RHOBTB3: variants seen among roughly 807,000 people sequenced by gnomAD.
RHOBTB3 encodes the protein Rho related BTB domain containing 3, also known as rho-related BTB domain-containing protein 3.
In RHOBTB3, 47 loss-of-function variants were observed where a neutral mutation model predicts 67.2. The ratio of observed to expected loss-of-function variants is 0.70; its 90% CI spans 0.55 to 0.89. The LOEUF (loss-of-function observed/expected upper bound fraction) is 0.89, where lower values mean the gene tolerates loss of function less well. Ranked by LOEUF, RHOBTB3 falls within the 40% of genes least tolerant of loss-of-function variation. The pLI, the probability that RHOBTB3 is intolerant of heterozygous loss-of-function variation, is 0.00. For missense variants in RHOBTB3, 631 were observed against 750.0 expected (o/e 0.84, Z 1.85); for synonymous variants, 273 against 274.2 (o/e 1.00, Z 0.04).
rs553902898 is a variant in RHOBTB3 at position 95,758,236 on chromosome 5, G to GA, written c.1048+2482dup. ...ATTGCAAAATTAATACAGGCAGATG[G>GA]AAAAAAAGAGAAAGAAAAGAAAAAA... On this transcript the variant is annotated intron_variant, in intron 6 of 11. Coordinates refer to ENST00000379982, the MANE Select transcript of RHOBTB3 (RefSeq NM_014899.4). 1.2e-4 allele frequency among the ~76,000 whole-genome samples: 19 copies of GA among 152,126 alleles called. No homozygotes were observed. The East Asian group carries it at 2.7e-3, about 22-fold the overall frequency.
In RHOBTB3 at chr5:95,731,861, C is replaced by G; in HGVS notation, c.5C>G (p.Ser2Cys). 1.2e-6 allele frequency: 2 copies of G among 1,612,496 alleles called. No homozygotes were observed. The highest frequency in any genetic ancestry group is 2.2e-5 in the East Asian group (1 of 44,842). The change falls in exon 2 of 12, where the codon TCC (serine) becomes TGC (cysteine). Residue 2 changes from serine (S) to cysteine (C), a missense_variant and splice_region_variant. Transcript: ENST00000379982. Reference protein sequence around the residue: MSIHIVALGNEG... With the variant: MCIHIVALGNEG... The stretch of plus-strand genomic sequence containing the variant: ...CCTCGCCCCCTCTGTCCGTGCAGGT[C>G]CATCCACATCGTGGCGCTGGGGAAC...
rs368977972 is a variant in RHOBTB3, at chr5:95,793,148, C to T, written c.1810C>T (p.Arg604Trp). 4.5e-5 allele frequency: 73 copies of T among 1,611,030 alleles called. No individual in the cohort carries two copies. Among genetic ancestry groups the T allele is most frequent in the Admixed American group, 5.0e-5 (3 of 59,604 alleles). The change falls in exon 12 of 12, where the codon CGG (arginine) becomes TGG (tryptophan). Residue 604 changes from arginine (R) to tryptophan (W), a missense_variant. Arg to Trp is a moderately radical substitution (Grantham distance 101). Coordinates refer to ENST00000379982, the MANE Select transcript of RHOBTB3 (RefSeq NM_014899.4). ...GGAATACAGGAAGTATATTCACTCCCGGAAATGTCGTTGCTTAGTAATGTA... is the reference window on the plus strand; with the variant it reads ...GGAATACAGGAAGTATATTCACTCCTGGAAATGTCGTTGCTTAGTAATGTA... ...LAEYRKYIHS[R>W]KCRCLVM is the part of the protein sequence containing the mutation.
intron 11 of RHOBTB3, among the ~76,000 whole-genome samples, chr5:95,791,835 C>A (rs564436158): frequency 1.3e-5 from 2 of 152,032 alleles, no homozygotes; most frequent in Non-Finnish European, 2.9e-5. Context: ...CATGAGCCAT[C>A]GTGCCTGGCC....
chr5:95,768,187 A>G, intron 8 of RHOBTB3, 21 bp downstream of exon 8: 2 of 1,588,794 alleles, frequency 1.3e-6, no homozygotes, highest in Non-Finnish European at 8.5e-7. Context: ...ACTTTTACAA[A>G]GTTTATGATT....
upstream of RHOBTB3, among the ~76,000 whole-genome samples, chr5:95,729,601 C>T (rs1755161747): frequency 6.6e-6 from 1 of 152,158 alleles, no homozygotes; most frequent in Non-Finnish European, 1.5e-5. Context: ...ACTATATATG[C>T]ACCTCATGCA....
chr5:95,726,449 G>A (rs989256038), upstream of RHOBTB3, among the ~76,000 whole-genome samples: 5 of 152,168 alleles, frequency 3.3e-5, no homozygotes, highest in African/African-American at 1.2e-4. Context: ...TTGGTGTTTA[G>A]TTTTTAAGTT....
chr5:95,731,292 G>T, upstream of RHOBTB3: 1 of 1,030,070 alleles, frequency 9.7e-7, no homozygotes, highest in Non-Finnish European at 1.2e-6. Context: ...CGATCTCCCC[G>T]ACCCCCCTTC....
At chr5:95,762,810 G>C (rs1745431701) in intron 6 of RHOBTB3, among the ~76,000 whole-genome samples, 1 of 152,208 alleles carries the variant, frequency 6.6e-6, no homozygotes, top group African/African-American at 2.4e-5. Context: ...AGTCCTTGGG[G>C]AAAAGGTCAG....
In RHOBTB3 at chr5:95,763,530, G is replaced by A; in HGVS notation, c.1071G>A (p.Leu357=). ...CAGGTGCTTTTCAGTGGGAAGAATT[G>A]GAAGAAGATATCAGGAAGAAGTTGA... ...IYSGAFQWEE[L]EEDIRKKLKD... is the part of the protein sequence containing the mutation. Residue 357 remains leucine (L), a synonymous_variant, in exon 7 of 12, where the codon TTG becomes TTA. Coordinates refer to ENST00000379982, the MANE Select transcript of RHOBTB3 (RefSeq NM_014899.4). The A allele has an allele frequency of 6.2e-7, 1 of 1,611,192 alleles. No individual in the cohort carries two copies. The highest frequency in any genetic ancestry group is 1.1e-5 in the South Asian group (1 of 90,770).
chr5:95,728,606 TA>T (rs1238424442), upstream of RHOBTB3, among the ~76,000 whole-genome samples: 1 of 152,230 alleles, frequency 6.6e-6, no homozygotes, highest in Non-Finnish European at 1.5e-5. Flanking sequence ...GTCTAGGAAC[TA>T]GAATGTTTTC....
At chr5:95,721,714 A>C (rs1253092484) in intron 1 of RHOBTB3, among the ~76,000 whole-genome samples, 3 of 151,326 alleles carry the variant, frequency 2.0e-5, no homozygotes, top group South Asian at 2.1e-4. Context: ...AAAAAGGAAC[A>C]TGAAGATCAG....
chr5:95,767,728 T>TG lies in RHOBTB3; in HGVS notation c.1162-316dup, dbSNP rs1745590342. 11 of 673,310 alleles carry TG rather than the reference T, an allele frequency of 1.6e-5. No individual in the cohort carries two copies. In the East Asian group the frequency reaches 3.0e-4, roughly 18 times the overall value. 41.7% of individuals were successfully genotyped at this position (673,310 alleles called of 1,614,324 possible). ...ATTTTAGTAGGCATTTGTATGGAGTTGGACTACTGTTGTCTGTTTCTCAAC... is the reference window on the plus strand; with the variant it reads ...ATTTTAGTAGGCATTTGTATGGAGTTGGGACTACTGTTGTCTGTTTCTCAAC... On this transcript the variant is annotated intron_variant, in intron 7 of 11. Coordinates refer to ENST00000379982, the MANE Select transcript of RHOBTB3 (RefSeq NM_014899.4).
chr5:95,782,660 A>C (rs1746087093), intron 9 of RHOBTB3: 1 of 152,194 alleles, frequency 6.6e-6, no homozygotes, highest in Non-Finnish European at 1.5e-5. Flanking sequence ...TACAAAAAAA[A>C]TTAGCCGGGC....
chr5:95,780,338 AAG>A lies in RHOBTB3; in HGVS notation c.1372_1373del (p.Ser458CysfsTer53). On this transcript the variant is annotated frameshift_variant, in exon 9 of 12. Coordinates refer to ENST00000379982, the MANE Select transcript of RHOBTB3 (RefSeq NM_014899.4). LOFTEE classifies it high-confidence loss of function. Reference sequence around the variant, plus strand: ...GTTTAATGGTAATTACATGGAAGCAAAGAGTGTCCTGATTCCCGTTTATGGTG... The same window carrying A: ...GTTTAATGGTAATTACATGGAAGCAAAGTGTCCTGATTCCCGTTTATGGTG... ...AMFNGNYMEA[K>X]SVLIPVYGVS... The A allele has an allele frequency of 6.2e-7, 1 of 1,613,946 alleles. No homozygotes were observed. The highest frequency in any genetic ancestry group is 1.7e-5 in the Admixed American group (1 of 60,028).
At position 95,783,014 on chromosome 5, in the gene RHOBTB3, C is replaced by T. The variant is rs868176555; in HGVS notation, c.1457-783C>T. Among the ~76,000 whole-genome samples, 6 of 151,016 alleles carry T rather than the reference C, an allele frequency of 4.0e-5. No homozygotes were observed. The South Asian group carries it at 1.3e-3, about 31-fold the overall frequency. On this transcript the variant is annotated intron_variant, in intron 9 of 11. Coordinates refer to ENST00000379982, the MANE Select transcript of RHOBTB3 (RefSeq NM_014899.4). ...ATTTTTAAGGGCAATTATAGAATCA[C>T]CTTTTCTGAAGAATTAAAAAAAAAT...
intron 2 of RHOBTB3, among the ~76,000 whole-genome samples, chr5:95,735,089 A>G (rs1755420903): frequency 6.6e-6 from 1 of 152,150 alleles, no homozygotes; most frequent in Non-Finnish European, 1.5e-5. Flanking sequence ...GAACGCTGTA[A>G]CAGATGCAGT....
At chr5:95,730,749 C>A, upstream of RHOBTB3, 2 of 317,576 alleles carry the variant, frequency 6.3e-6, no homozygotes, top group East Asian at 1.1e-4. Flanking sequence ...GTAAATAATC[C>A]CCCCAAGGCG....
At chr5:95,724,379 A>T (rs1428091615) in intron 1 of RHOBTB3, among the ~76,000 whole-genome samples, 1 of 152,264 alleles carries the variant, frequency 6.6e-6, no homozygotes, top group Non-Finnish European at 1.5e-5. Context: ...TACATGTTTA[A>T]CACATAGTTT....
At chr5:95,730,660 T>TA (rs1308402824), upstream of RHOBTB3, among the ~76,000 whole-genome samples, 2 of 152,162 alleles carry the variant, frequency 1.3e-5, no homozygotes, top group African/African-American at 2.4e-5. Context: ...TAACTTCCTT[T>TA]AAAAACGATC....
Sources: gnomAD v4.1 joint callset for allele counts (sites outside exome capture counted in the v4.1 genomes callset) on GRCh38, gnomAD v4.1.1 for gene constraint, MANE v1.5 for transcripts, NCBI Gene and HGNC (gene_info 2026-07-23, HGNC 2026-07-21) for gene names.